Variants in EPHA7 observed in about 807,000 individuals in gnomAD.
EPHA7 encodes ephrin type-A receptor 7.
Under a neutral mutation model 112.6 loss-of-function variants are expected in EPHA7, and 25 were observed. That is an observed-to-expected ratio of 0.22 (90% CI 0.16 to 0.31). The LOEUF is 0.31. Among genes scored for constraint, EPHA7 ranks in the 10% least tolerant of loss-of-function variants. The pLI, the probability that EPHA7 is intolerant of heterozygous loss-of-function variation, is 1.00. For missense variants in EPHA7, 962 were observed against 1,212.6 expected (o/e 0.79, Z 3.07); for synonymous variants, 437 against 406.5 (o/e 1.07, Z -0.90).
rs972848291 is a variant in EPHA7 at position 93,410,197 on chromosome 6, C to T, written c.832+304G>A. On this transcript the variant is annotated intron_variant, in intron 3 of 16. Coordinates refer to ENST00000369303, the MANE Select transcript of EPHA7 (RefSeq NM_004440.4). This position sits in a 1 kb window ranked among gnomAD's most constrained non-coding sequence, Gnocchi z 4.0. ...CCTCAGTCTTGCCAGGCTATATGTC[C>T]AACTACCCAGACTCCTCTCTAAACT... The T allele has an allele frequency of 3.7e-6, 1 of 270,420 alleles. No individual in the cohort carries two copies. Among genetic ancestry groups the T allele is most frequent in the Non-Finnish European group, 7.1e-6 (1 of 141,336 alleles). The allele number at this position is 270,420 out of a possible 1,614,324, so 16.8% of individuals were successfully genotyped here.
At chr6:93,377,276 G>C (rs1047628464) in intron 3 of EPHA7, among the ~76,000 whole-genome samples, 1 of 152,104 alleles carries the variant, frequency 6.6e-6, no homozygotes, top group African/African-American at 2.4e-5. Flanking sequence ...TAGTGCTACT[G>C]TTGAGAAATT....
intron 5 of EPHA7, among the ~76,000 whole-genome samples, chr6:93,331,930 A>G (rs1016613439): frequency 6.6e-6 from 1 of 151,620 alleles, no homozygotes; most frequent in African/African-American, 2.4e-5. Flanking sequence ...AACATGCCAC[A>G]TTGCCTCACA....
chr6:93,386,032 T>G (rs1370729290), intron 3 of EPHA7, among the ~76,000 whole-genome samples: 3 of 152,030 alleles, frequency 2.0e-5, no homozygotes, highest in African/African-American at 7.2e-5. Flanking sequence ...TCCCAACACA[T>G]AGGGATTACA....
intron 3 of EPHA7, among the ~76,000 whole-genome samples, chr6:93,392,523 T>C (rs1339116129): frequency 2.6e-5 from 4 of 152,124 alleles, no homozygotes; most frequent in South Asian, 4.1e-4. Flanking sequence ...ACTGATTATA[T>C]GACAAAAATC....
At position 93,355,095 on chromosome 6, in the gene EPHA7, C is replaced by A. The variant is rs546687334; in HGVS notation, c.1324+1622G>T. Among the ~76,000 whole-genome samples, 3 of 152,116 alleles carry A rather than the reference C, an allele frequency of 2.0e-5. No homozygotes were observed. The South Asian group carries it at 6.2e-4, about 32-fold the overall frequency. ...CAACGCAAGTGGAACTATCTTATGA[C>A]AACAGCATTTTAAAATAAATAGGAT... On this transcript the variant is annotated intron_variant, in intron 5 of 16. Coordinates refer to ENST00000369303, the MANE Select transcript of EPHA7 (RefSeq NM_004440.4).
At chr6:93,365,265 G>C (rs180778039) in intron 3 of EPHA7, among the ~76,000 whole-genome samples, 224 of 152,308 alleles carry the variant, frequency 1.5e-3, no homozygotes, top group African/African-American at 5.1e-3. Context: ...ACTGTAAGTA[G>C]ATTGTTCTGT....
chr6:93,254,506 A>G, intron 14 of EPHA7, 141 bp downstream of exon 14: 2 of 497,034 alleles, frequency 4.0e-6, no homozygotes, highest in South Asian at 7.4e-5. Flanking sequence ...AATTTATGGT[A>G]ATTAGTGTGG....
chr6:93,283,817 T>C (rs918696487), intron 5 of EPHA7, among the ~76,000 whole-genome samples: 2 of 152,190 alleles, frequency 1.3e-5, no homozygotes, highest in African/African-American at 2.4e-5. Context: ...GACACAGTAA[T>C]ATAGTTTCAC....
At chr6:93,402,282 G>T (rs1392684004) in intron 3 of EPHA7, among the ~76,000 whole-genome samples, 1 of 151,814 alleles carries the variant, frequency 6.6e-6, no homozygotes, top group Non-Finnish European at 1.5e-5. Context: ...ACTAAATATG[G>T]GTAAAAAGAA....
At chr6:93,348,972 A>G (rs1480426338) in intron 5 of EPHA7, among the ~76,000 whole-genome samples, 1 of 151,820 alleles carries the variant, frequency 6.6e-6, no homozygotes, top group Non-Finnish European at 1.5e-5. Context: ...CACTTAGTAT[A>G]AGACCATATC....
chr6:93,361,661 A>C (rs1311847335), intron 3 of EPHA7, among the ~76,000 whole-genome samples: 1 of 152,050 alleles, frequency 6.6e-6, no homozygotes, highest in East Asian at 1.9e-4. Context: ...AACTACTAGT[A>C]AAAAGTCTTC....
At chr6:93,270,277 A>G (rs140639030) in intron 6 of EPHA7, among the ~76,000 whole-genome samples, 2,401 of 151,668 alleles carry the variant, frequency 0.016, 64 homozygotes, top group African/African-American at 0.055. Flanking sequence ...TATTTTAAAC[A>G]TGATTTATTT....
intron 3 of EPHA7, among the ~76,000 whole-genome samples, chr6:93,404,037 G>T (rs1778565167): frequency 6.6e-6 from 1 of 152,136 alleles, no homozygotes; most frequent in Admixed American, 6.6e-5. Flanking sequence ...GGCAGAGGGA[G>T]CAGGGGCTTC....
At chr6:93,407,284 A>G (rs993856368) in intron 3 of EPHA7, among the ~76,000 whole-genome samples, 2 of 152,046 alleles carry the variant, frequency 1.3e-5, no homozygotes, top group Non-Finnish European at 2.9e-5. Flanking sequence ...CTAGGGACTC[A>G]CTAGCATCCT....
chr6:93,364,768 T>C (rs1776427111), intron 3 of EPHA7, among the ~76,000 whole-genome samples: 1 of 152,100 alleles, frequency 6.6e-6, no homozygotes, highest in African/African-American at 2.4e-5. Context: ...AAATTACCTA[T>C]GGATTACTTT....
chr6:93,397,027 G>T (rs1441683534), intron 3 of EPHA7, among the ~76,000 whole-genome samples: 1 of 151,262 alleles, frequency 6.6e-6, no homozygotes, highest in Admixed American at 6.6e-5. Flanking sequence ...TTAAAATTGA[G>T]AACATTATCA....
chr6:93,345,924 C>T (rs1475097631), intron 5 of EPHA7, among the ~76,000 whole-genome samples: 4 of 151,536 alleles, frequency 2.6e-5, no homozygotes, highest in Non-Finnish European at 5.9e-5. Context: ...TCATCACCAA[C>T]GAAGCAAGGG....
chr6:93,246,066 T>G (rs1015606709), intron 15 of EPHA7, among the ~76,000 whole-genome samples: 1 of 152,118 alleles, frequency 6.6e-6, no homozygotes, highest in Non-Finnish European at 1.5e-5. Flanking sequence ...TTCTTTTTTT[T>G]TTGGAGACGG....
At chr6:93,310,773 T>A (rs1029945311) in intron 5 of EPHA7, among the ~76,000 whole-genome samples, 1 of 152,164 alleles carries the variant, frequency 6.6e-6, no homozygotes, top group Admixed American at 6.5e-5. Context: ...TAAAAACTGC[T>A]AATCCTCTGA....
Sources: allele counts gnomAD v4.1 joint callset (sites outside exome capture counted in the v4.1 genomes callset), GRCh38; gene constraint gnomAD v4.1.1; non-coding constraint Gnocchi (gnomAD v3.1); transcripts MANE v1.5; gene names NCBI Gene and HGNC (gene_info 2026-07-23, HGNC 2026-07-21).